ASIC2: variants seen among roughly 807,000 people sequenced by gnomAD.
The protein encoded by ASIC2 is acid-sensing ion channel 2.
A neutral mutation model predicts 57.3 loss-of-function variants in ASIC2; 25 were observed. That is an observed-to-expected ratio of 0.44 (90% CI 0.32 to 0.61). The LOEUF (loss-of-function observed/expected upper bound fraction) is 0.61. Ranked by LOEUF, ASIC2 falls within the 20% of genes least tolerant of loss-of-function variation. The probability of loss-of-function intolerance (pLI) is 0.06; values close to 1 mark genes in which losing one functional copy is unlikely to be tolerated. For missense variants in ASIC2, 641 were observed against 738.1 expected (o/e 0.87, Z 1.52); for synonymous variants, 319 against 307.5 (o/e 1.04, Z -0.39).
At chr17:33,241,792 C>T (rs1451159707) in intron 1 of ASIC2, among the ~76,000 whole-genome samples, 1 of 152,192 alleles carries the variant, frequency 6.6e-6, no homozygotes, top group African/African-American at 2.4e-5. Flanking sequence ...GGCCCCTGTC[C>T]TCCTGGGCTT....
chr17:33,653,781 G>A (rs1442330408), intron 1 of ASIC2, among the ~76,000 whole-genome samples: 2 of 152,292 alleles, frequency 1.3e-5, no homozygotes, highest in Middle Eastern at 3.4e-3. Context: ...ACCCCCCAGA[G>A]CTGAGATCAG....
In ASIC2 at chr17:33,056,955, C is replaced by T. The variant is rs138117237; in HGVS notation, c.988-28563G>A. On this transcript the variant is annotated intron_variant, in intron 3 of 9. Transcript: ENST00000225823. ...TTGGTCTCTCTAGATTTTGAACTTGCCTATTTATTTACTTCCACAACATCA... is the reference window on the plus strand; with the variant it reads ...TTGGTCTCTCTAGATTTTGAACTTGTCTATTTATTTACTTCCACAACATCA... Among the ~76,000 whole-genome samples, 489 of 152,262 alleles carry T rather than the reference C, an allele frequency of 3.2e-3. 1 individual carries two copies. Among genetic ancestry groups the T allele is most frequent in the Middle Eastern group, 6.8e-3 (2 of 294 alleles).
intron 1 of ASIC2, among the ~76,000 whole-genome samples, chr17:34,064,286 C>G (rs531449978): frequency 6.6e-4 from 100 of 152,232 alleles, no homozygotes; most frequent in Non-Finnish European, 1.2e-3. Context: ...AAAGGACACC[C>G]TTTTCAACAA....
intron 1 of ASIC2, among the ~76,000 whole-genome samples, chr17:34,109,195 TA>T (rs1369318373): frequency 6.6e-6 from 1 of 152,184 alleles, no homozygotes; most frequent in East Asian, 1.9e-4. Flanking sequence ...GCAACTTCTG[TA>T]ACTTATTATT....
intron 1 of ASIC2, among the ~76,000 whole-genome samples, chr17:33,698,038 G>A (rs1597839521): frequency 6.6e-6 from 1 of 152,156 alleles, no homozygotes; most frequent in African/African-American, 2.4e-5. Flanking sequence ...TGTGATGTTG[G>A]AAAGTGAATT....
At chr17:33,760,900 G>A (rs1364734389) in intron 1 of ASIC2, among the ~76,000 whole-genome samples, 4 of 152,276 alleles carry the variant, frequency 2.6e-5, no homozygotes, top group South Asian at 2.1e-4. Flanking sequence ...ACCTGATTTT[G>A]TGAAATGCAT....
At chr17:33,334,257 G>T (rs550794823) in intron 1 of ASIC2, among the ~76,000 whole-genome samples, 138 of 152,170 alleles carry the variant, frequency 9.1e-4, no homozygotes, top group Non-Finnish European at 1.6e-3. Flanking sequence ...TATGAAAGAG[G>T]TGCTAATGTA....
intron 1 of ASIC2, among the ~76,000 whole-genome samples, chr17:34,022,641 C>CA (rs755726883): frequency 0.029 from 3,634 of 124,680 alleles, 51 homozygotes; most frequent in Middle Eastern, 0.034. Context: ...AAAAAAAAAA[C>CA]AAAAAAAAAA....
chr17:33,052,080 G>A (rs1324256009), intron 3 of ASIC2: 1 of 152,160 alleles, frequency 6.6e-6, no homozygotes, highest in Non-Finnish European at 1.5e-5. Context: ...AAATGGGACT[G>A]CAGAAAAAAT....
At position 33,920,774 on chromosome 17, in the gene ASIC2, C is replaced by T. The variant is rs149068717; in HGVS notation, c.555+235204G>A. On this transcript the variant is annotated intron_variant, in intron 1 of 9. Transcript: ENST00000359872. Reference sequence around the variant, plus strand: ...TGGGCCAAAGTGGTCTTATTAGAGGCGTTGTGGTCGCCCTGATGCAAACCA... The same window carrying T: ...TGGGCCAAAGTGGTCTTATTAGAGGTGTTGTGGTCGCCCTGATGCAAACCA... 4.8e-3 allele frequency among the ~76,000 whole-genome samples: 730 copies of T among 152,252 alleles called. 7 individuals are homozygous for T. Among genetic ancestry groups the T allele is most frequent in the African/African-American group, 0.016 (679 of 41,542 alleles).
At chr17:33,180,962 A>G (rs1382740229) in intron 1 of ASIC2, among the ~76,000 whole-genome samples, 2 of 152,024 alleles carry the variant, frequency 1.3e-5, no homozygotes, top group African/African-American at 4.8e-5. Flanking sequence ...TCACATTTTG[A>G]TCATCTCCTT....
At chr17:33,639,507 G>T (rs1219189755) in intron 1 of ASIC2, among the ~76,000 whole-genome samples, 5 of 152,084 alleles carry the variant, frequency 3.3e-5, no homozygotes, top group Non-Finnish European at 7.4e-5. Flanking sequence ...CCACTCTGGG[G>T]TCCCTGGGAG....
At chr17:33,364,436 A>T (rs1481695231) in intron 1 of ASIC2, among the ~76,000 whole-genome samples, 2 of 152,188 alleles carry the variant, frequency 1.3e-5, no homozygotes, top group Non-Finnish European at 2.9e-5. Context: ...TGCATCCCCA[A>T]CCAAATCTCA....
chr17:34,010,311 GTAA>G (rs1906665499), intron 1 of ASIC2, among the ~76,000 whole-genome samples: 1 of 152,110 alleles, frequency 6.6e-6, no homozygotes. Flanking sequence ...ATGAGCACTG[GTAA>G]AGAAGAGCAC....
At chr17:33,229,109 G>T (rs1907993575) in intron 1 of ASIC2, among the ~76,000 whole-genome samples, 1 of 152,196 alleles carries the variant, frequency 6.6e-6, no homozygotes, top group South Asian at 2.1e-4. Context: ...ACGTGAGACT[G>T]TTTAAAGTGG....
chr17:33,324,660 T>C (rs759451901), intron 1 of ASIC2, among the ~76,000 whole-genome samples: 4 of 152,162 alleles, frequency 2.6e-5, no homozygotes, highest in Admixed American at 6.5e-5. Flanking sequence ...GCATTTCCTG[T>C]CATCCCTTGG....
intron 1 of ASIC2, among the ~76,000 whole-genome samples, chr17:34,046,440 G>A (rs369948792): frequency 1.4e-4 from 21 of 152,284 alleles, no homozygotes; most frequent in African/African-American, 4.8e-4. Flanking sequence ...AAATTTATTT[G>A]TTAAAAAGAC....
At chr17:33,880,623 C>T (rs1327666992) in intron 1 of ASIC2, among the ~76,000 whole-genome samples, 2 of 152,112 alleles carry the variant, frequency 1.3e-5, no homozygotes, top group Non-Finnish European at 2.9e-5. Flanking sequence ...TAATAGCTTA[C>T]CAACCAAAAA....
At chr17:33,149,149 C>A (rs540998835) in intron 1 of ASIC2, among the ~76,000 whole-genome samples, 1 of 152,194 alleles carries the variant, frequency 6.6e-6, no homozygotes, top group Non-Finnish European at 1.5e-5. Context: ...TGACATATAT[C>A]TTTTCTGACA....
Sources: gnomAD v4.1 joint callset for allele counts (sites outside exome capture counted in the v4.1 genomes callset) on GRCh38, gnomAD v4.1.1 for gene constraint, MANE v1.5 for transcripts, NCBI Gene and HGNC (gene_info 2026-07-23, HGNC 2026-07-21) for gene names.